RNF17: variants seen among roughly 807,000 people sequenced by gnomAD.
RNF17 encodes spermatogenesis associated 23.
A neutral mutation model predicts 200.5 loss-of-function variants in RNF17; 31 were observed. The observed-to-expected ratio is 0.15, with a 90% CI of 0.12 to 0.21. The LOEUF (loss-of-function observed/expected upper bound fraction) is 0.21, where lower values mean the gene tolerates loss of function less well. RNF17 is among the 10% of genes least tolerant of loss of function. RNF17 has a pLI of 1.00. For synonymous variants in RNF17, 606 were observed against 637.8 expected (o/e 0.95, Z 0.75); for missense variants, 1,628 against 1,905.1 (o/e 0.85, Z 2.71).
At chr13:24,855,526 G>C (rs1051094760) in intron 25 of RNF17, among the ~76,000 whole-genome samples, 4 of 152,000 alleles carry the variant, frequency 2.6e-5, no homozygotes, top group African/African-American at 9.7e-5. Flanking sequence ...TACTCAGGAG[G>C]CTGAGGCAGG....
At chr13:24,810,243 T>C (rs1369157995) in intron 15 of RNF17, among the ~76,000 whole-genome samples, 1 of 148,920 alleles carries the variant, frequency 6.7e-6, no homozygotes, top group Non-Finnish European at 1.5e-5. Flanking sequence ...CAGTGGGGTG[T>C]TAAAGTCTCC....
the RNF17 span, chr13:24,751,797 T>C: frequency 2.0e-5 from 3 of 152,314 alleles, no homozygotes; most frequent in East Asian, 3.9e-4. Context: ...TTTTTTTTTA[T>C]GTTGCAAAAT....
At chr13:24,803,372 A>T (rs1175432065) in intron 14 of RNF17, among the ~76,000 whole-genome samples, 1 of 152,200 alleles carries the variant, frequency 6.6e-6, no homozygotes, top group East Asian at 1.9e-4. Context: ...GCCTCAGCTC[A>T]TTGAAACCTC....
At chr13:24,854,215 A>G (rs1489266173) in intron 25 of RNF17, 71 bp downstream of exon 25, 4 of 1,133,788 alleles carry the variant, frequency 3.5e-6, no homozygotes, top group East Asian at 4.8e-5. Flanking sequence ...ACTTTGGGCA[A>G]CCTCTTTGAA....
intron 15 of RNF17, among the ~76,000 whole-genome samples, chr13:24,811,932 G>C (rs7335078): frequency 4.6e-5 from 7 of 151,860 alleles, no homozygotes; most frequent in Non-Finnish European, 1.0e-4. Context: ...CTGCTGGGGG[G>C]TGCCTCCCAG....
At chr13:24,832,727 G>C (rs1041443825) in intron 18 of RNF17, among the ~76,000 whole-genome samples, 1 of 151,960 alleles carries the variant, frequency 6.6e-6, no homozygotes, top group African/African-American at 2.4e-5. Flanking sequence ...TTAGATAGGG[G>C]GATTGGGAAT....
chr13:24,874,397 A>G, intron 33 of RNF17, 148 bp downstream of exon 33: 1 of 592,688 alleles, frequency 1.7e-6, no homozygotes, highest in Non-Finnish European at 2.7e-6. Context: ...AAGTATACAT[A>G]AAATTTACCA....
chr13:24,875,520 A>G (rs986195764), intron 33 of RNF17, among the ~76,000 whole-genome samples: 3 of 152,230 alleles, frequency 2.0e-5, no homozygotes, highest in East Asian at 3.8e-4. Flanking sequence ...AGCTTATACA[A>G]TGCTGACTGA....
At chr13:24,845,891 C>T (rs964191759) in intron 22 of RNF17, among the ~76,000 whole-genome samples, 2 of 152,062 alleles carry the variant, frequency 1.3e-5, no homozygotes, top group Admixed American at 6.5e-5. Flanking sequence ...TCAATTTGAG[C>T]AAGACAGGCA....
At position 24,824,074 on chromosome 13, in the gene RNF17, T is replaced by C. The variant is rs544154529; in HGVS notation, c.2092-1545T>C. 2.9e-5 allele frequency: 19 copies of C among 651,098 alleles called. No individual in the cohort carries two copies. The African/African-American group carries it at 3.3e-4, about 11-fold the overall frequency. The allele number at this position is 651,098 out of a possible 1,614,324, so 40.3% of individuals were successfully genotyped here. ...CCACTGCTTAAGACCAAGACCATTG[T>C]CATTCTGGGAAGAGGGTAGGGTGAG... On this transcript the variant is annotated intron_variant, in intron 15 of 35. Coordinates refer to ENST00000255324, the MANE Select transcript of RNF17 (RefSeq NM_031277.3).
At chr13:24,748,653 G>T in the RNF17 span, among the ~76,000 whole-genome samples, 1 of 152,160 alleles carries the variant, frequency 6.6e-6, no homozygotes, top group African/African-American at 2.4e-5. Flanking sequence ...CATATCCAGG[G>T]ATAAGTGTTT....
chr13:24,884,941 C>T, the RNF17 span, among the ~76,000 whole-genome samples: 1 of 152,172 alleles, frequency 6.6e-6, no homozygotes, highest in Non-Finnish European at 1.5e-5. Flanking sequence ...GCAGTTTTCC[C>T]ACTAAGAAAC....
In RNF17 at chr13:24,876,548, C is replaced by T. The variant is rs79042760; in HGVS notation, c.4584-449C>T. On this transcript the variant is annotated intron_variant, in intron 33 of 35. Transcript: ENST00000255324. ...CCATTTTACATTCTCACTAAGAGTG[C>T]GCAAAGGTTCCAATTCCTGCATATC... Among the ~76,000 whole-genome samples, 816 of 152,276 alleles carry T rather than the reference C, an allele frequency of 5.4e-3. 22 individuals are homozygous for T. The East Asian group carries it at 0.081, about 15-fold the overall frequency.
At chr13:24,860,880 T>TC (rs2138312337) in intron 26 of RNF17, among the ~76,000 whole-genome samples, 1 of 131,776 alleles carries the variant, frequency 7.6e-6, no homozygotes, top group East Asian at 2.3e-4. Context: ...TTTTCAGATG[T>TC]CTTTTTTTTT....
intron 10 of RNF17, among the ~76,000 whole-genome samples, chr13:24,795,909 A>G (rs983895666): frequency 2.6e-5 from 4 of 152,214 alleles, no homozygotes; most frequent in Admixed American, 2.6e-4. Flanking sequence ...TTTTGCAAGT[A>G]TTATGAAGTA....
chr13:24,781,868 A>G lies in RNF17; in HGVS notation c.535A>G (p.Thr179Ala). The change falls in exon 6 of 36, where the codon ACG becomes GCG. Residue 179 changes from threonine (T) to alanine (A), a missense_variant. This residue lies in a region of RNF17 where 502 missense variants were observed against 501.7 expected (regional missense o/e 1.00). Transcript: ENST00000255324. ...GGCACTTGAACACATGCAGAAGCAA[A>G]CGATAGAGGAAAGAGAAAGAGTTAT... ...GKALEHMQKQ[T>A]IEERERVIEV... 3 of 1,610,594 alleles carry G rather than the reference A, an allele frequency of 1.9e-6. No individual in the cohort carries two copies. Among genetic ancestry groups the G allele is most frequent in the Non-Finnish European group, 1.7e-6 (2 of 1,179,256 alleles).
chr13:24,867,215 A>G (rs1325002784), intron 30 of RNF17, among the ~76,000 whole-genome samples: 1 of 152,158 alleles, frequency 6.6e-6, no homozygotes, highest in Non-Finnish European at 1.5e-5. Context: ...AATGGATTTG[A>G]GAGTGTCTCG....
chr13:24,859,851 T>A (rs9511480), intron 26 of RNF17, among the ~76,000 whole-genome samples: 34,963 of 151,874 alleles, frequency 0.23, 4,493 homozygotes, highest in Non-Finnish European at 0.29. Flanking sequence ...TTCACATATA[T>A]GCATTTATAT....
At chr13:24,767,165 G>A (rs1416339455) in intron 1 of RNF17, 107 bp from the exon 2 acceptor site, 1 of 696,204 alleles carries the variant, frequency 1.4e-6, no homozygotes, top group South Asian at 1.8e-5. Flanking sequence ...AGAGGTGGAG[G>A]CTGCAGTGAG....
Sources: allele counts gnomAD v4.1 joint callset (sites outside exome capture counted in the v4.1 genomes callset), GRCh38; gene constraint gnomAD v4.1.1; regional missense constraint gnomAD v4.1.1; transcripts MANE v1.5; gene names NCBI Gene and HGNC (gene_info 2026-07-23, HGNC 2026-07-21).